PDE7A: variants seen among roughly 807,000 people sequenced by gnomAD.
PDE7A encodes phosphodiesterase 7A.
Under a neutral mutation model 64.3 loss-of-function variants are expected in PDE7A, and 39 were observed. The observed-to-expected ratio is 0.61, with a 90% CI of 0.47 to 0.79. The LOEUF (loss-of-function observed/expected upper bound fraction) is 0.79. Ranked by LOEUF, PDE7A falls within the 30% of genes least tolerant of loss-of-function variation. The pLI is 0.00. For missense variants in PDE7A, 470 were observed against 582.8 expected (o/e 0.81, Z 1.99); for synonymous variants, 203 against 206.8 (o/e 0.98, Z 0.16).
At chr8:65,761,619 A>G (rs995549901) in intron 3 of PDE7A, among the ~76,000 whole-genome samples, 1 of 152,226 alleles carries the variant, frequency 6.6e-6, no homozygotes, top group African/African-American at 2.4e-5. Flanking sequence ...CTTTTCTAAA[A>G]TATCACATTA....
chr8:65,752,074 T>C (rs748868161), intron 3 of PDE7A, among the ~76,000 whole-genome samples: 6 of 152,238 alleles, frequency 3.9e-5, no homozygotes, highest in Admixed American at 6.5e-5. Flanking sequence ...AATATGCTTA[T>C]ATTTCTACTA....
intron 1 of PDE7A, among the ~76,000 whole-genome samples, chr8:65,814,254 G>C (rs1239496823): frequency 6.6e-6 from 1 of 152,064 alleles, no homozygotes; most frequent in Non-Finnish European, 1.5e-5. Context: ...GCTCACGCCT[G>C]TAATCCCAGC....
intron 3 of PDE7A, among the ~76,000 whole-genome samples, chr8:65,757,279 A>G (rs1320614168): frequency 6.6e-6 from 1 of 152,236 alleles, no homozygotes; most frequent in Admixed American, 6.5e-5. Flanking sequence ...CACACTCAAC[A>G]TTACAACAAA....
intron 3 of PDE7A, among the ~76,000 whole-genome samples, chr8:65,754,180 T>C (rs562586912): frequency 6.6e-6 from 1 of 152,228 alleles, no homozygotes; most frequent in Non-Finnish European, 1.5e-5. Context: ...TAGGCCAGTC[T>C]AGTCTTTCCA....
intron 3 of PDE7A, among the ~76,000 whole-genome samples, chr8:65,764,036 T>C (rs1370187266): frequency 6.6e-6 from 1 of 152,188 alleles, no homozygotes. Context: ...GGAAACTAGG[T>C]GAAAGTTTTT....
intron 1 of PDE7A, among the ~76,000 whole-genome samples, chr8:65,833,722 G>A (rs1167249538): frequency 2.6e-5 from 4 of 152,132 alleles, no homozygotes. Flanking sequence ...CCAGCACTTT[G>A]GGAGGCCAAG....
chr8:65,841,407 A>T lies in PDE7A; in HGVS notation c.102T>A (p.Ala34=). The change falls in exon 1 of 13, where the codon GCT becomes GCA. Residue 34 remains alanine (A), a synonymous_variant. Coordinates refer to ENST00000401827, the MANE Select transcript of PDE7A (RefSeq NM_001242318.3). ...RGAISFSSSS[A]LFGCPNPRQL... is the part of the protein sequence containing the mutation. The stretch of plus-strand genomic sequence containing the variant: ...GCCGGGGATTGGGGCAGCCGAAGAG[A>T]GCGGAGCTGGAGCTGAAGCTGATGG... The T allele has an allele frequency of 6.4e-7, 1 of 1,565,060 alleles. No individual in the cohort carries two copies. Among genetic ancestry groups the T allele is most frequent in the Non-Finnish European group, 8.6e-7 (1 of 1,159,976 alleles).
intron 3 of PDE7A, among the ~76,000 whole-genome samples, chr8:65,749,592 A>C (rs1807840937): frequency 6.6e-6 from 1 of 152,250 alleles, no homozygotes; most frequent in African/African-American, 2.4e-5. Flanking sequence ...TGGGTAGATT[A>C]AATTCTATGA....
intron 5 of PDE7A, among the ~76,000 whole-genome samples, chr8:65,744,244 A>G (rs1807573079): frequency 6.6e-6 from 1 of 152,224 alleles, no homozygotes. Flanking sequence ...ACAACAAAAA[A>G]AAACAGGCAT....
At chr8:65,767,565 A>T (rs567250068) in intron 3 of PDE7A, among the ~76,000 whole-genome samples, 1 of 152,148 alleles carries the variant, frequency 6.6e-6, no homozygotes, top group South Asian at 2.1e-4. Flanking sequence ...GGCCTTTCTG[A>T]CTGTGAGTCT....
At chr8:65,786,076 T>C (rs1414840242) in intron 1 of PDE7A, among the ~76,000 whole-genome samples, 1 of 152,196 alleles carries the variant, frequency 6.6e-6, no homozygotes, top group African/African-American at 2.4e-5. Context: ...CTAATTTAGA[T>C]ATTAAAATGG....
rs1302232287 is a variant in PDE7A at position 65,727,314 on chromosome 8, A to G, written c.697-13T>C. The G allele has an allele frequency of 1.9e-6, 3 of 1,612,276 alleles. No individual in the cohort carries two copies. Among genetic ancestry groups the G allele is most frequent in the Non-Finnish European group, 2.5e-6 (3 of 1,178,832 alleles). On this transcript the variant is annotated splice_polypyrimidine_tract_variant and intron_variant, in intron 7 of 12. Transcript: ENST00000401827. ...CAGAATTGGCAAGCTGAAGTGTGAC[A>G]AAAGAATAATGAATCACAGATATAT...
intron 1 of PDE7A, among the ~76,000 whole-genome samples, chr8:65,808,457 C>T (rs1285827108): frequency 1.3e-5 from 2 of 151,848 alleles, no homozygotes; most frequent in East Asian, 1.9e-4. Context: ...GGAAAATCAC[C>T]GACATTATAA....
intron 6 of PDE7A, 70 bp downstream of exon 6, chr8:65,739,432 G>T (rs1427814442): frequency 1.4e-6 from 2 of 1,453,006 alleles, no homozygotes; most frequent in Admixed American, 5.9e-5. Context: ...CGATATAACT[G>T]AGATAAAACT....
At chr8:65,801,828 T>C (rs991944111) in intron 1 of PDE7A, among the ~76,000 whole-genome samples, 10 of 152,234 alleles carry the variant, frequency 6.6e-5, no homozygotes, top group African/African-American at 2.4e-4. Context: ...ACTAGAACAG[T>C]GTATAAAAAG....
At chr8:65,771,884 C>CAAAAA (rs36101490) in intron 3 of PDE7A, among the ~76,000 whole-genome samples, 44 of 55,666 alleles carry the variant, frequency 7.9e-4, no homozygotes, top group Admixed American at 9.7e-4. Context: ...CTCCATCTCT[C>CAAAAA]AAAAAAAAAA....
Position 65,719,197 on chromosome 8 carries a change from T to C in PDE7A, c.*93A>G, listed in dbSNP as rs1198903344. 37 of 809,696 alleles carry C rather than the reference T, an allele frequency of 4.6e-5. No individual in the cohort carries two copies. The highest frequency in any genetic ancestry group is 7.0e-5 in the Non-Finnish European group (33 of 470,008). The allele number at this position is 809,696 out of a possible 1,614,324, so 50.2% of individuals were successfully genotyped here. The stretch of plus-strand genomic sequence containing the variant: ...GGCTGGCATCACTCACTTGGAAACC[T>C]TGGCAGTCAAGAGTTAAGTTCTCTC... On this transcript the variant is annotated 3_prime_UTR_variant, in exon 13 of 13. Transcript: ENST00000401827.
At chr8:65,797,709 A>T (rs1204479581) in intron 1 of PDE7A, among the ~76,000 whole-genome samples, 2 of 152,182 alleles carry the variant, frequency 1.3e-5, no homozygotes. Flanking sequence ...TTTTTTTAGA[A>T]ATTTGATGCC....
intron 3 of PDE7A, chr8:65,770,975 G>T (rs1054134627): frequency 1.0e-5 from 3 of 299,094 alleles, no homozygotes; most frequent in Non-Finnish European, 2.0e-5. Flanking sequence ...AGAACCTGCT[G>T]GACAAGAAGG....
Sources: gnomAD v4.1 joint callset for allele counts (sites outside exome capture counted in the v4.1 genomes callset) on GRCh38, gnomAD v4.1.1 for gene constraint, MANE v1.5 for transcripts, NCBI Gene and HGNC (gene_info 2026-07-23, HGNC 2026-07-21) for gene names.